ASAH2: variants seen among roughly 807,000 people sequenced by gnomAD.
ASAH2 encodes neutral ceramidase.
A neutral mutation model predicts 82.9 loss-of-function variants in ASAH2; 58 were observed. The ratio of observed to expected loss-of-function variants is 0.70; its 90% CI spans 0.57 to 0.87. The LOEUF is 0.87. Among genes scored for constraint, ASAH2 ranks in the 40% least tolerant of loss-of-function variants. The pLI is 0.00. For synonymous variants in ASAH2, 276 were observed against 289.7 expected (o/e 0.95, Z 0.48); for missense variants, 779 against 834.0 (o/e 0.93, Z 0.81).
rs1845501124 is a variant in ASAH2, at chr10:50,213,040, T to C, written c.1159A>G (p.Lys387Glu). 6.2e-7 allele frequency: 1 copy of C among 1,613,672 alleles called. No homozygotes were observed. Among genetic ancestry groups the C allele is most frequent in the Non-Finnish European group, 8.5e-7 (1 of 1,179,606 alleles). The change falls in exon 10 of 21, where the codon AAG becomes GAG. Residue 387 changes from lysine (K) to glutamate (E), a missense_variant. Lys to Glu is a moderately conservative substitution (Grantham distance 56). Coordinates refer to ENST00000682911, the MANE Select transcript of ASAH2 (RefSeq NM_019893.4). Reference sequence around the variant, plus strand: ...TCAAACATATCCTGTCCAGGTCCCTTAGCAATGCACATGCTAGGCTGGAAC... The same window carrying C: ...TCAAACATATCCTGTCCAGGTCCCTCAGCAATGCACATGCTAGGCTGGAAC... ...PIGGPSMCIA[K>E]GPGQDMFDST...
intron 1 of ASAH2, among the ~76,000 whole-genome samples, chr10:50,250,980 G>A (rs1462935507): frequency 2.0e-5 from 3 of 152,110 alleles, no homozygotes; most frequent in Non-Finnish European, 4.4e-5. Context: ...CACCTTTAAG[G>A]AACTTAAAAC....
chr10:50,236,532 A>C (rs1846162983), intron 4 of ASAH2, among the ~76,000 whole-genome samples: 1 of 152,138 alleles, frequency 6.6e-6, no homozygotes, highest in Non-Finnish European at 1.5e-5. Flanking sequence ...AGACACAGAC[A>C]AACTATATTA....
chr10:50,200,280 T>C (rs918893543), intron 16 of ASAH2, among the ~76,000 whole-genome samples: 2 of 151,430 alleles, frequency 1.3e-5, no homozygotes, highest in African/African-American at 4.8e-5. Context: ...CCTTCCTTAC[T>C]GAGTGAAGGC....
intron 7 of ASAH2, among the ~76,000 whole-genome samples, chr10:50,229,927 A>T (rs1396225954): frequency 2.0e-5 from 3 of 152,146 alleles, no homozygotes; most frequent in African/African-American, 7.2e-5. Flanking sequence ...GCCTATCTGT[A>T]TGCCTTCTGT....
At chr10:50,203,780 A>G in intron 14 of ASAH2, 101 bp from the exon 15 acceptor site, 1 of 957,746 alleles carries the variant, frequency 1.0e-6, no homozygotes, top group Non-Finnish European at 1.7e-6. Context: ...CTGGCTCATC[A>G]CACAATAGTA....
intron 7 of ASAH2, among the ~76,000 whole-genome samples, chr10:50,219,140 A>C (rs1375215374): frequency 6.6e-6 from 1 of 152,250 alleles, no homozygotes; most frequent in Non-Finnish European, 1.5e-5. Context: ...CAGGGACCAC[A>C]GATGACTAAC....
intron 1 of ASAH2, among the ~76,000 whole-genome samples, chr10:50,250,192 G>C (rs1483517162): frequency 2.0e-5 from 3 of 152,114 alleles, no homozygotes. Flanking sequence ...TCTTCAACCT[G>C]CCAATCTCTA....
intron 7 of ASAH2, among the ~76,000 whole-genome samples, chr10:50,229,106 T>C (rs1845964737): frequency 6.6e-6 from 1 of 152,170 alleles, no homozygotes; most frequent in African/African-American, 2.4e-5. Flanking sequence ...ATGTAGACAT[T>C]TGAAACCTGT....
chr10:50,227,342 TTTG>T (rs1264243129), intron 7 of ASAH2, among the ~76,000 whole-genome samples: 1 of 3,248 alleles, frequency 3.1e-4, no homozygotes, highest in Non-Finnish European at 5.0e-3. Context: ...GATACTTGTT[TTTG>T]CAGTGATGGA....
rs953820736 is a variant in ASAH2, at chr10:50,219,969, A to C, written c.894-1339T>G. On this transcript the variant is annotated intron_variant, in intron 7 of 20. Coordinates refer to ENST00000682911, the MANE Select transcript of ASAH2 (RefSeq NM_019893.4). ...TTCTCCTTTATTCAAAAGGGGCCAC[A>C]AATCCATGTTTTCATATGTATTTAT... is the stretch of plus-strand genomic sequence containing the variant. 2.0e-5 allele frequency among the ~76,000 whole-genome samples: 3 copies of C among 152,348 alleles called. No individual in the cohort carries two copies. In the East Asian group the frequency reaches 5.8e-4, roughly 29 times the overall value.
chr10:50,196,385 C>T (rs1175015766), intron 18 of ASAH2, among the ~76,000 whole-genome samples: 2 of 151,560 alleles, frequency 1.3e-5, no homozygotes, highest in Non-Finnish European at 2.9e-5. Flanking sequence ...CTCCTCCCCC[C>T]AGAAAAACTG....
chr10:50,196,003 TA>T (rs1844968536), intron 18 of ASAH2, among the ~76,000 whole-genome samples: 1 of 151,824 alleles, frequency 6.6e-6, no homozygotes, highest in African/African-American at 2.4e-5. Context: ...TGGCTTCAGT[TA>T]AAAACAACAT....
At chr10:50,250,129 C>T (rs942003198) in intron 1 of ASAH2, among the ~76,000 whole-genome samples, 2 of 152,090 alleles carry the variant, frequency 1.3e-5, no homozygotes, top group African/African-American at 4.8e-5. Context: ...TTCCCGTGTG[C>T]CAAGAGTTTC....
chr10:50,187,103 C>T lies in ASAH2; in HGVS notation c.*212G>A, dbSNP rs1289584386. 3.1e-6 allele frequency: 1 copy of T among 324,534 alleles called. No individual in the cohort carries two copies. Among genetic ancestry groups the T allele is most frequent in the Non-Finnish European group, 5.5e-6 (1 of 181,252 alleles). The allele number at this position is 324,534 out of a possible 1,614,324, so 20.1% of individuals were successfully genotyped here. A position where few individuals can be genotyped will look rare whatever the true frequency, so the allele number is the denominator to read the frequency against. The stretch of plus-strand genomic sequence containing the variant: ...GACAAACCTCTCTCTCTCTCTCTCT[C>T]TCTCTCTCTCTCTCTCACACACACA... On this transcript the variant is annotated 3_prime_UTR_variant, in exon 21 of 21. Transcript: ENST00000682911.
chr10:50,199,714 G>C (rs1297885685), intron 16 of ASAH2, among the ~76,000 whole-genome samples: 2 of 149,988 alleles, frequency 1.3e-5, no homozygotes, highest in Non-Finnish European at 3.0e-5. Flanking sequence ...TCATCTCAGC[G>C]AATGTCATCT....
At position 50,212,966 on chromosome 10, in the gene ASAH2, G is replaced by A. The variant is rs991085543; in HGVS notation, c.1227+6C>T. On this transcript the variant is annotated splice_donor_region_variant and intron_variant, in intron 10 of 20. Transcript: ENST00000682911. ...AAAGATTAAAGGAGCGAGGCCCATG[G>A]CTTACCTTTGCTCTCTGATACATGG... The A allele has an allele frequency of 1.9e-6, 3 of 1,612,228 alleles. No individual in the cohort carries two copies.
chr10:50,195,132 C>T (rs1339380666), intron 18 of ASAH2, among the ~76,000 whole-genome samples: 4 of 150,356 alleles, frequency 2.7e-5, no homozygotes, highest in Non-Finnish European at 5.9e-5. Flanking sequence ...AAAACACTTG[C>T]AAACTATGCA....
intron 3 of ASAH2, 35 bp from the exon 4 acceptor site, chr10:50,243,386 T>C (rs1359215047): frequency 1.2e-6 from 2 of 1,600,136 alleles, no homozygotes; most frequent in Non-Finnish European, 1.7e-6. Flanking sequence ...CTGCTCTGTC[T>C]CATTCCCCTG....
At chr10:50,215,073 A>G (rs1025827152) in intron 8 of ASAH2, among the ~76,000 whole-genome samples, 1 of 152,218 alleles carries the variant, frequency 6.6e-6, no homozygotes, top group Non-Finnish European at 1.5e-5. Context: ...TAGTTTAATT[A>G]GATCCCATTT....
Sources: allele counts gnomAD v4.1 joint callset (sites outside exome capture counted in the v4.1 genomes callset), GRCh38; gene constraint gnomAD v4.1.1; transcripts MANE v1.5; gene names NCBI Gene and HGNC (gene_info 2026-07-23, HGNC 2026-07-21).